ACTA2: variants seen among roughly 807,000 people sequenced by gnomAD.
ACTA2 encodes actin, aortic smooth muscle.
Under a neutral mutation model 39.5 loss-of-function variants are expected in ACTA2, and 12 were observed. That is an observed-to-expected ratio of 0.30 (90% CI 0.19 to 0.49). ACTA2 has a LOEUF of 0.49. Among genes scored for constraint, ACTA2 ranks in the 20% least tolerant of loss-of-function variants. The pLI is 0.99. For synonymous variants in ACTA2, 158 were observed against 180.6 expected, an observed-to-expected ratio of 0.88 and a Z score of 1.00; for missense variants, 236 against 498.8, an observed-to-expected ratio of 0.47 and a Z score of 5.02.
In ACTA2 at chr10:88,960,137, C is replaced by T. The variant is rs75890152; in HGVS notation, c.-23-11184G>A. Among the ~76,000 whole-genome samples the T allele has an allele frequency of 7.2e-3, 1,095 of 152,272 alleles. 20 individuals are homozygous for T. In the East Asian group the frequency reaches 0.1, roughly 14 times the overall value. ...GATAGTAGTTACTAAGTACAGCACA[C>T]ACTTAAAGAATGGGGAGTTACACTT... On this transcript the variant is annotated intron_variant, in intron 1 of 4. Coordinates refer to the ACTA2 transcript ENST00000415557.
At chr10:88,959,009 A>G (rs1846185296) in intron 1 of ACTA2, among the ~76,000 whole-genome samples, 1 of 152,158 alleles carries the variant, frequency 6.6e-6, no homozygotes, top group Admixed American at 6.5e-5. Context: ...GGAGAAGACC[A>G]CAAACAAGCC....
chr10:88,939,330 T>C (rs778601784), intron 7 of ACTA2, 177 bp downstream of exon 7: 3 of 767,112 alleles, frequency 3.9e-6, no homozygotes, highest in Non-Finnish European at 6.5e-6. Context: ...GAAGAAAACC[T>C]TTTTCCTGGC....
intron 5 of ACTA2, 102 bp from the exon 6 acceptor site, chr10:88,941,492 T>A: frequency 6.8e-7 from 1 of 1,474,784 alleles, no homozygotes; most frequent in Non-Finnish European, 9.4e-7. Flanking sequence ...TTTCCGAGCC[T>A]CTTATTTAAA....
intron 1 of ACTA2, among the ~76,000 whole-genome samples, chr10:88,972,390 A>G (rs1471621228): frequency 6.6e-6 from 1 of 152,184 alleles, no homozygotes; most frequent in Non-Finnish European, 1.5e-5. Flanking sequence ...GAGAACAGGG[A>G]GTTTAGGAAA....
intron 1 of ACTA2, among the ~76,000 whole-genome samples, chr10:88,977,696 G>A (rs1162215774): frequency 2.0e-5 from 3 of 150,600 alleles, no homozygotes; most frequent in Non-Finnish European, 4.4e-5. Context: ...AAACCACAAT[G>A]AGATACCATC....
chr10:88,935,400 TGTC>T (rs1845716304), intron 8 of ACTA2, 34 bp from the exon 9 acceptor site: 1 of 1,612,288 alleles, frequency 6.2e-7, no homozygotes, highest in Non-Finnish European at 8.5e-7. Context: ...TGGTCATTAA[TGTC>T]ATCATTAGTG....
chr10:88,944,674 A>G (rs553200529), intron 3 of ACTA2, among the ~76,000 whole-genome samples: 3 of 152,200 alleles, frequency 2.0e-5, no homozygotes, highest in Non-Finnish European at 2.9e-5. Flanking sequence ...ACAGTCAGAC[A>G]TTTGGCCTTC....
chr10:88,979,339 G>A (rs1045301617), intron 1 of ACTA2, among the ~76,000 whole-genome samples: 1 of 152,138 alleles, frequency 6.6e-6, no homozygotes, highest in Non-Finnish European at 1.5e-5. Flanking sequence ...CTCCTAGGAA[G>A]GGAAGACTTG....
intron 4 of ACTA2, among the ~76,000 whole-genome samples, chr10:88,942,108 A>G (rs1845866800): frequency 6.6e-6 from 1 of 152,154 alleles, no homozygotes; most frequent in Non-Finnish European, 1.5e-5. Flanking sequence ...GTGTGCACAC[A>G]AGGTTTGGCC....
intron 1 of ACTA2, among the ~76,000 whole-genome samples, chr10:88,980,191 G>A (rs1259688026): frequency 6.6e-6 from 1 of 152,206 alleles, no homozygotes; most frequent in East Asian, 1.9e-4. Flanking sequence ...AAGGTGGTGA[G>A]TGGAACATGA....
At chr10:88,973,412 CTCTT>C (rs1846493847) in intron 1 of ACTA2, 1 of 1,290,902 alleles carries the variant, frequency 7.7e-7, no homozygotes, top group Admixed American at 2.9e-5. Context: ...ATGAAAACAA[CTCTT>C]TCTTGTTAGC....
chr10:88,990,382 C>T lies in ACTA2; in HGVS notation c.-24+557G>A. ...CTCCCCAACTTCCCAGGTTGAACTA[C>T]AGCAGAAGCCTTTAGAAAGGGCAGG... On this transcript the variant is annotated intron_variant, in intron 1 of 4. Coordinates refer to the ACTA2 transcript ENST00000415557. This position sits in a 1 kb window ranked among gnomAD's most constrained non-coding sequence, Gnocchi z 4.9. 2.3e-6 allele frequency: 1 copy of T among 425,650 alleles called. No homozygotes were observed. Among genetic ancestry groups the T allele is most frequent in the Non-Finnish European group, 4.5e-6 (1 of 223,216 alleles). 26.4% of individuals were successfully genotyped at this position (425,650 alleles called of 1,614,324 possible).
intron 1 of ACTA2, among the ~76,000 whole-genome samples, chr10:88,970,602 A>T (rs1156863377): frequency 6.6e-6 from 1 of 152,200 alleles, no homozygotes; most frequent in Non-Finnish European, 1.5e-5. Flanking sequence ...GACAGTTGGC[A>T]CAGCATTAGA....
At chr10:88,977,340 A>G (rs940182991) in intron 1 of ACTA2, among the ~76,000 whole-genome samples, 2 of 150,900 alleles carry the variant, frequency 1.3e-5, no homozygotes, top group Non-Finnish European at 3.0e-5. Context: ...TGATTTTTGT[A>G]TAAGGTGTAA....
chr10:88,988,968 A>T (rs1847008931), intron 1 of ACTA2, among the ~76,000 whole-genome samples: 1 of 152,184 alleles, frequency 6.6e-6, no homozygotes, highest in Admixed American at 6.5e-5. Context: ...GGATAATTAG[A>T]CGTACGTGGG....
rs754695149 is a variant in ACTA2, at chr10:88,935,265, G to A, written c.1092C>T (p.Tyr364=). 1.5e-5 allele frequency: 24 copies of A among 1,613,900 alleles called. No individual in the cohort carries two copies. The highest frequency in any genetic ancestry group is 1.1e-4 in the South Asian group (10 of 91,074). ...FQQMWISKQE[Y]DEAGPSIVHR... ...GGACAATGGAAGGCCCGGCTTCATC[G>A]TATTCCTGTTTGCTGATCCACATCT... Residue 364 remains tyrosine (Y), a synonymous_variant, in exon 9 of 9, where the codon TAC becomes TAT. Transcript: ENST00000224784.
chr10:88,968,777 T>G (rs1020510227), intron 1 of ACTA2, among the ~76,000 whole-genome samples: 1 of 152,220 alleles, frequency 6.6e-6, no homozygotes, highest in African/African-American at 2.4e-5. Context: ...TAGGCATTTC[T>G]GTCCTCTTTT....
At position 88,961,384 on chromosome 10, in the gene ACTA2, A is replaced by G. The variant is rs139163645; in HGVS notation, c.-23-12431T>C. On this transcript the variant is annotated intron_variant, in intron 1 of 4. Coordinates refer to the ACTA2 transcript ENST00000415557. ...TGTAGAAAATGTGAAGAGACTTTTA[A>G]GTATCCTTTAATTCTTTCACTTTCC... Among the ~76,000 whole-genome samples the G allele has an allele frequency of 3.2e-3, 488 of 152,336 alleles. 3 individuals are homozygous for G. Among genetic ancestry groups the G allele is most frequent in the African/African-American group, 0.011 (467 of 41,578 alleles).
intron 1 of ACTA2, among the ~76,000 whole-genome samples, chr10:88,983,315 T>G (rs557215525): frequency 1.3e-5 from 2 of 152,238 alleles, no homozygotes; most frequent in South Asian, 4.1e-4. Flanking sequence ...ACCCGGAATT[T>G]AAGAAAATAA....
Sources: allele counts gnomAD v4.1 joint callset (sites outside exome capture counted in the v4.1 genomes callset), GRCh38; gene constraint gnomAD v4.1.1; non-coding constraint Gnocchi (gnomAD v3.1); transcripts MANE v1.5; gene names NCBI Gene and HGNC (gene_info 2026-07-23, HGNC 2026-07-21).